The following PALD1 variants were observed in gnomAD, a reference collection of about 807,000 sequenced individuals.
PALD1 encodes the protein paladin.
In PALD1, 57 loss-of-function variants were observed where a neutral mutation model predicts 96.0. The observed-to-expected ratio is 0.59, with a 90% CI of 0.48 to 0.74. The LOEUF (loss-of-function observed/expected upper bound fraction) is 0.74, where lower values mean the gene tolerates loss of function less well. Ranked by LOEUF, PALD1 falls within the 30% of genes least tolerant of loss-of-function variation. PALD1 has a pLI of 0.00. For synonymous variants in PALD1, 464 were observed against 473.6 expected (o/e 0.98, Z 0.26); for missense variants, 1,063 against 1,143.7 (o/e 0.93, Z 1.02).
intron 1 of PALD1, among the ~76,000 whole-genome samples, chr10:70,520,685 CTT>C (rs10545684): frequency 0.21 from 18,314 of 88,548 alleles, 1,460 homozygotes; most frequent in East Asian, 0.33. Flanking sequence ...TTCTTTCTTT[CTT>C]TTTTTTTTTT....
At chr10:70,530,591 C>A (rs1206522062) in intron 4 of PALD1, among the ~76,000 whole-genome samples, 1 of 152,134 alleles carries the variant, frequency 6.6e-6, no homozygotes, top group Admixed American at 6.5e-5. Context: ...ACTGTTCTTA[C>A]CTGTCGGATG....
intron 1 of PALD1, among the ~76,000 whole-genome samples, chr10:70,495,275 T>C (rs1846173193): frequency 6.6e-6 from 1 of 152,250 alleles, no homozygotes; most frequent in Non-Finnish European, 1.5e-5. Context: ...TCTCAGCCCC[T>C]GGTAGCCCAC....
intron 16 of PALD1, 70 bp from the exon 17 acceptor site, chr10:70,541,393 C>T: frequency 6.4e-7 from 1 of 1,552,780 alleles, no homozygotes; most frequent in Non-Finnish European, 8.9e-7. Flanking sequence ...GGGCAGCCCC[C>T]AAGTCCTCCC....
At chr10:70,500,546 C>A (rs1248273844) in intron 1 of PALD1, among the ~76,000 whole-genome samples, 2 of 152,200 alleles carry the variant, frequency 1.3e-5, no homozygotes, top group Admixed American at 6.5e-5. Context: ...CTTCCTCCCC[C>A]TTCCGGTCTA....
At chr10:70,553,509 C>T (rs7100295) in intron 18 of PALD1, among the ~76,000 whole-genome samples, 20,017 of 152,210 alleles carry the variant, frequency 0.13, 1,662 homozygotes, top group Non-Finnish European at 0.18. Context: ...GTCCTGACAT[C>T]TCCTTAGCCA....
intron 18 of PALD1, among the ~76,000 whole-genome samples, chr10:70,560,290 A>G (rs971288324): frequency 6.6e-6 from 1 of 152,078 alleles, no homozygotes; most frequent in Admixed American, 6.5e-5. Flanking sequence ...AAGAGTGAGC[A>G]GGGAGTGGTG....
Position 70,566,642 on chromosome 10 carries a change from G to T in PALD1, c.2480G>T (p.Ser827Ile). The change falls in exon 20 of 20, where the codon AGC (serine) becomes ATC (isoleucine). Residue 827 changes from serine to isoleucine, a missense_variant. Transcript: ENST00000263563. ...GAGCTGGGCTTCCCCGAGCTGGAGAGCGGGGAGGACCAGCCCTTCTCCAGG... is the reference window on the plus strand; with the variant it reads ...GAGCTGGGCTTCCCCGAGCTGGAGATCGGGGAGGACCAGCCCTTCTCCAGG... ...LNELGFPELE[S>I]GEDQPFSRLR... 6.2e-7 allele frequency: 1 copy of T among 1,609,568 alleles called. No homozygotes were observed.
At chr10:70,473,900 C>A (rs199705525), upstream of PALD1, among the ~76,000 whole-genome samples, 81 of 123,788 alleles carry the variant, frequency 6.5e-4, no homozygotes, top group Non-Finnish European at 8.9e-4. Context: ...CACCCCCCCC[C>A]CCTCAGCCTC....
chr10:70,528,740 A>G (rs938544186), intron 2 of PALD1, among the ~76,000 whole-genome samples: 1 of 152,222 alleles, frequency 6.6e-6, no homozygotes, highest in East Asian at 1.9e-4. Context: ...GAGGACATCC[A>G]GGCTGGGATG....
In PALD1 at chr10:70,564,520, G is replaced by A. The variant is rs1483176160; in HGVS notation, c.2418+1G>A. ...GCCCTTCAGCACCTGGATGCAGGAG[G>A]TGAGGGGAGGCTGAGGCCGAGAGGG... On this transcript the variant is annotated splice_donor_variant, in intron 19 of 19. Coordinates refer to ENST00000263563, the MANE Select transcript of PALD1 (RefSeq NM_014431.3). LOFTEE classifies it high-confidence loss of function. 6.2e-7 allele frequency: 1 copy of A among 1,613,204 alleles called. No homozygotes were observed. Among genetic ancestry groups the A allele is most frequent in the Admixed American group, 1.7e-5 (1 of 59,946 alleles).
intron 17 of PALD1, among the ~76,000 whole-genome samples, chr10:70,545,962 C>T (rs911205522): frequency 1.6e-4 from 24 of 151,604 alleles, no homozygotes; most frequent in African/African-American, 5.6e-4. Context: ...CTCGACCAGG[C>T]GTGGTGGCTC....
chr10:70,526,131 G>A lies in PALD1; in HGVS notation c.180G>A (p.Val60=). 6.2e-7 allele frequency: 1 copy of A among 1,613,840 alleles called. No individual in the cohort carries two copies. The highest frequency in any genetic ancestry group is 8.5e-7 in the Non-Finnish European group (1 of 1,179,750). Reference sequence around the variant, plus strand: ...TCCCCAACAAGGTGGCCCCTGTTGTGATCACGTGAGTGGCAGGGGGAGTGT... The same window carrying A: ...TCCCCAACAAGGTGGCCCCTGTTGTAATCACGTGAGTGGCAGGGGGAGTGT... ...SIIPNKVAPV[V]ITYNCKEEFQ... The change falls in exon 2 of 20, where the codon GTG becomes GTA. Residue 60 remains valine (V), a synonymous_variant. Coordinates refer to ENST00000263563, the MANE Select transcript of PALD1 (RefSeq NM_014431.3).
the PALD1 span, among the ~76,000 whole-genome samples, chr10:70,465,558 T>C: frequency 6.6e-6 from 1 of 152,126 alleles, no homozygotes; most frequent in African/African-American, 2.4e-5. Context: ...ACCCTGCCAA[T>C]TAGGCGTGAT....
rs144981788 is a variant in PALD1 at position 70,534,440 on chromosome 10, G to A, written c.1038G>A (p.Gln346=). The A allele has an allele frequency of 3.7e-4, 591 of 1,611,048 alleles. No individual in the cohort carries two copies. The highest frequency in any genetic ancestry group is 4.7e-4 in the Non-Finnish European group (555 of 1,178,712). ...GCCTCGACAGGGCTGCCCCCACGCA[G>A]GCCAAGCCCCTGCCTATGGAGCAGT... ...TTSQPEAAPT[Q]AKPLPMEQFQ... The change falls in exon 9 of 20, where the codon CAG becomes CAA. Residue 346 remains glutamine (Q), a synonymous_variant. Transcript: ENST00000263563.
At chr10:70,507,856 TA>T (rs537822575) in intron 1 of PALD1, among the ~76,000 whole-genome samples, 1 of 152,204 alleles carries the variant, frequency 6.6e-6, no homozygotes, top group Admixed American at 6.5e-5. Context: ...TTTATTGTTT[TA>T]AAAAAATTTT....
intron 10 of PALD1, among the ~76,000 whole-genome samples, 166 bp downstream of exon 10, chr10:70,535,009 A>G (rs1589203356): frequency 6.6e-6 from 1 of 152,240 alleles, no homozygotes; most frequent in East Asian, 1.9e-4. Context: ...CTCTGGGCCC[A>G]CAGGAAGGAC....
intron 19 of PALD1, 134 bp downstream of exon 19, chr10:70,564,653 T>G: frequency 1.3e-6 from 1 of 790,530 alleles, no homozygotes; most frequent in Non-Finnish European, 2.0e-6. Context: ...TCCCCCTTTC[T>G]GCAGGAGGCT....
Position 70,540,808 on chromosome 10 carries a change from G to T in PALD1, c.1909-294G>T, listed in dbSNP as rs1274649716. On this transcript the variant is annotated intron_variant, in intron 15 of 19. Transcript: ENST00000263563. The surrounding 1 kb of genome is among the most constrained non-coding windows in gnomAD (Gnocchi z 4.2). ...CAGTACACAGGGGTGACATACAGGT[G>T]CATGTCCTGCCTGATGGAGGGTGGG... Among the ~76,000 whole-genome samples, 3 of 152,184 alleles carry T rather than the reference G, an allele frequency of 2.0e-5. No individual in the cohort carries two copies.
In PALD1 at chr10:70,567,449, G is replaced by A. The variant is rs796931716; in HGVS notation, c.*716G>A. On this transcript the variant is annotated 3_prime_UTR_variant, in exon 20 of 20. Transcript: ENST00000263563. ...CATGGGGAGGAAAGAGCTTCCAGGG[G>A]GCGAACGCAGCACAGAGGAAGAGGC... The A allele has an allele frequency of 1.7e-4, 26 of 152,948 alleles. No individual in the cohort carries two copies. The highest frequency in any genetic ancestry group is 6.0e-4 in the African/African-American group (25 of 41,576). The allele number at this position is 152,948 out of a possible 1,614,324, so 9.5% of individuals were successfully genotyped here.
Sources: allele counts gnomAD v4.1 joint callset (sites outside exome capture counted in the v4.1 genomes callset), GRCh38; gene constraint gnomAD v4.1.1; non-coding constraint Gnocchi (gnomAD v3.1); transcripts MANE v1.5; gene names NCBI Gene and HGNC (gene_info 2026-07-23, HGNC 2026-07-21).